NKAIN2: variants seen among roughly 807,000 people sequenced by gnomAD.
NKAIN2 encodes the protein sodium/potassium-transporting ATPase subunit beta-1-interacting protein 2.
NKAIN2 carries 14 observed loss-of-function variants against 32.6 expected under a neutral mutation model. The ratio of observed to expected loss-of-function variants is 0.43; its 90% CI spans 0.28 to 0.67. NKAIN2 has a LOEUF of 0.67. NKAIN2 is among the 30% of genes least tolerant of loss of function. The pLI is 0.17. For missense variants in NKAIN2, 198 were observed against 258.3 expected (o/e 0.77, Z 1.60); for synonymous variants, 80 against 87.2 (o/e 0.92, Z 0.46).
At chr6:124,110,865 A>C (rs1054911164) in intron 1 of NKAIN2, among the ~76,000 whole-genome samples, 1 of 152,068 alleles carries the variant, frequency 6.6e-6, no homozygotes, top group Non-Finnish European at 1.5e-5. Context: ...ATGCAAGTGT[A>C]TGTGTATTTT....
At chr6:124,409,150 T>G (rs973473855) in intron 3 of NKAIN2, among the ~76,000 whole-genome samples, 1 of 152,316 alleles carries the variant, frequency 6.6e-6, no homozygotes, top group South Asian at 2.1e-4. Flanking sequence ...CAGGGACAAT[T>G]TGACTTCCTC....
chr6:124,074,816 C>A (rs914741795), intron 1 of NKAIN2, among the ~76,000 whole-genome samples: 2 of 152,156 alleles, frequency 1.3e-5, no homozygotes, highest in Admixed American at 1.3e-4. Flanking sequence ...CGAACCCATA[C>A]GGAATACGCA....
At chr6:124,767,584 C>G (rs1281460091) in intron 4 of NKAIN2, among the ~76,000 whole-genome samples, 1 of 152,126 alleles carries the variant, frequency 6.6e-6, no homozygotes, top group African/African-American at 2.4e-5. Flanking sequence ...GCCTTCAGCT[C>G]TATTTTTTTT....
At chr6:123,863,520 A>G (rs1249278707) in intron 1 of NKAIN2, among the ~76,000 whole-genome samples, 1 of 152,218 alleles carries the variant, frequency 6.6e-6, no homozygotes, top group Admixed American at 6.5e-5. Flanking sequence ...TGGAGTTTCC[A>G]TCGGATCATT....
intron 1 of NKAIN2, among the ~76,000 whole-genome samples, chr6:124,214,365 A>C (rs936291351): frequency 1.3e-5 from 2 of 152,180 alleles, no homozygotes; most frequent in Non-Finnish European, 2.9e-5. Flanking sequence ...CATTTTAATA[A>C]AATTTATTTG....
At chr6:124,123,461 A>G (rs559239073) in intron 1 of NKAIN2, among the ~76,000 whole-genome samples, 39 of 152,124 alleles carry the variant, frequency 2.6e-4, no homozygotes, top group African/African-American at 6.5e-4. Context: ...TTTTCATACT[A>G]TTTTTTGGTG....
At chr6:124,000,585 C>T (rs1779839041) in intron 1 of NKAIN2, among the ~76,000 whole-genome samples, 1 of 151,978 alleles carries the variant, frequency 6.6e-6, no homozygotes, top group Admixed American at 6.6e-5. Flanking sequence ...TTTATTTTAA[C>T]TCTGTGGATA....
At chr6:124,552,371 C>G (rs559318793) in intron 3 of NKAIN2, among the ~76,000 whole-genome samples, 75 of 152,286 alleles carry the variant, frequency 4.9e-4, no homozygotes, top group African/African-American at 1.7e-3. Flanking sequence ...ATGAGGCAGG[C>G]AAGCATCTCT....
At chr6:124,079,721 G>A (rs1384562239) in intron 1 of NKAIN2, among the ~76,000 whole-genome samples, 1 of 152,064 alleles carries the variant, frequency 6.6e-6, no homozygotes, top group Non-Finnish European at 1.5e-5. Flanking sequence ...CAGATCACAG[G>A]CTGTGTCAGT....
At chr6:124,389,394 A>C (rs945331562) in intron 3 of NKAIN2, among the ~76,000 whole-genome samples, 1 of 152,024 alleles carries the variant, frequency 6.6e-6, no homozygotes, top group African/African-American at 2.4e-5. Flanking sequence ...TGCTGGGTTG[A>C]GTTTGTATTT....
chr6:124,184,312 G>A (rs802290), intron 1 of NKAIN2, among the ~76,000 whole-genome samples: 133,432 of 151,852 alleles, frequency 0.88, 58,736 homozygotes, highest in East Asian at 0.91. Context: ...AGGGCTCCCA[G>A]ACCATTTTGT....
intron 2 of NKAIN2, among the ~76,000 whole-genome samples, chr6:124,342,505 G>A (rs985140470): frequency 6.7e-6 from 1 of 149,168 alleles, no homozygotes; most frequent in Non-Finnish European, 1.5e-5. Flanking sequence ...GTCTTTTTTT[G>A]TTGTTTTTTC....
In NKAIN2 at chr6:123,940,201, C is replaced by T. The variant is rs542160836; in HGVS notation, c.54+135947C>T. On this transcript the variant is annotated intron_variant, in intron 1 of 6. Coordinates refer to ENST00000368417, the MANE Select transcript of NKAIN2 (RefSeq NM_001040214.3). ...CAGTTTAGTTGGCCAGGCTAACCAC[C>T]ATTGGCTAGAATCATACAAAAACAC... Among the ~76,000 whole-genome samples, 6 of 151,986 alleles carry T rather than the reference C, an allele frequency of 3.9e-5. No individual in the cohort carries two copies. In the South Asian group the frequency reaches 8.3e-4, roughly 21 times the overall value.
intron 3 of NKAIN2, among the ~76,000 whole-genome samples, chr6:124,459,879 A>G (rs1267475130): frequency 6.6e-6 from 1 of 151,688 alleles, no homozygotes; most frequent in Non-Finnish European, 1.5e-5. Context: ...GTTTATATTT[A>G]TTGTCATTAC....
intron 5 of NKAIN2, among the ~76,000 whole-genome samples, chr6:124,796,965 T>G (rs1780025921): frequency 6.6e-6 from 1 of 152,028 alleles, no homozygotes; most frequent in Non-Finnish European, 1.5e-5. Flanking sequence ...AAAGAAAATG[T>G]TTGGAGATTC....
intron 1 of NKAIN2, among the ~76,000 whole-genome samples, chr6:124,175,867 T>G (rs1389864282): frequency 2.0e-5 from 3 of 152,182 alleles, no homozygotes; most frequent in African/African-American, 7.2e-5. Flanking sequence ...TCTCTTGCCC[T>G]TTATTTCTCT....
chr6:124,201,421 A>G (rs1017502442), intron 1 of NKAIN2, among the ~76,000 whole-genome samples: 2 of 152,062 alleles, frequency 1.3e-5, no homozygotes, highest in African/African-American at 4.8e-5. Flanking sequence ...AATGATTCTA[A>G]TTAGTGGGAA....
At chr6:123,859,423 T>A (rs1417282095) in intron 1 of NKAIN2, among the ~76,000 whole-genome samples, 1 of 152,072 alleles carries the variant, frequency 6.6e-6, no homozygotes, top group Non-Finnish European at 1.5e-5. Flanking sequence ...CTCCACAGTG[T>A]TTCTGTTTTC....
chr6:124,195,179 A>T (rs973978526), intron 1 of NKAIN2, among the ~76,000 whole-genome samples: 2 of 151,974 alleles, frequency 1.3e-5, no homozygotes, highest in African/African-American at 4.8e-5. Context: ...GAAGTTTTTT[A>T]AGATAAATTA....
Sources: gnomAD v4.1 joint callset for allele counts (sites outside exome capture counted in the v4.1 genomes callset) on GRCh38, gnomAD v4.1.1 for gene constraint, MANE v1.5 for transcripts, NCBI Gene and HGNC (gene_info 2026-07-23, HGNC 2026-07-21) for gene names.